The following CSMD1 variants were observed in gnomAD, a reference collection of about 807,000 sequenced individuals.
CSMD1 encodes the protein CUB and Sushi multiple domains 1.
In CSMD1, 213 loss-of-function variants were observed where a neutral mutation model predicts 417.5. The observed-to-expected ratio is 0.51, with a 90% CI of 0.46 to 0.57. CSMD1 has a LOEUF of 0.57. Among genes scored for constraint, CSMD1 ranks in the 20% least tolerant of loss-of-function variants. CSMD1 has a pLI of 0.00. For missense variants in CSMD1, 6,923 were observed against 4,529.7 expected (o/e 1.53, Z -15.17); for synonymous variants, 2,862 against 1,736.8 (o/e 1.65, Z -16.11).
At chr8:4,761,270 G>A (rs1812023637) in intron 1 of CSMD1, among the ~76,000 whole-genome samples, 1 of 152,036 alleles carries the variant, frequency 6.6e-6, no homozygotes, top group South Asian at 2.1e-4. Flanking sequence ...GAACAGGAAA[G>A]CATGGTCAGT....
At chr8:3,005,585 G>T (rs1189234976) in intron 52 of CSMD1, among the ~76,000 whole-genome samples, 2 of 152,020 alleles carry the variant, frequency 1.3e-5, no homozygotes, top group African/African-American at 2.4e-5. Context: ...TGATCAAGTG[G>T]GCTTCATCCC....
At chr8:3,363,345 T>A (rs1289694645) in intron 20 of CSMD1, among the ~76,000 whole-genome samples, 1 of 152,022 alleles carries the variant, frequency 6.6e-6, no homozygotes, top group Non-Finnish European at 1.5e-5. Context: ...AGAAAAGTCA[T>A]TATGGGAAAG....
chr8:3,864,540 C>T (rs1189030667), intron 5 of CSMD1, among the ~76,000 whole-genome samples: 2 of 152,148 alleles, frequency 1.3e-5, no homozygotes, highest in African/African-American at 2.4e-5. Flanking sequence ...CATATGTATA[C>T]ATGTGCCATG....
chr8:4,525,135 CCAA>C (rs1473468439), intron 2 of CSMD1, among the ~76,000 whole-genome samples: 1 of 152,200 alleles, frequency 6.6e-6, no homozygotes, highest in Non-Finnish European at 1.5e-5. Flanking sequence ...TCAATCTACT[CCAA>C]CATTATTATT....
At chr8:4,732,503 T>G (rs1368077265) in intron 1 of CSMD1, among the ~76,000 whole-genome samples, 1 of 152,056 alleles carries the variant, frequency 6.6e-6, no homozygotes, top group African/African-American at 2.4e-5. Context: ...CGATTACTTT[T>G]CGAGTAACTT....
intron 1 of CSMD1, among the ~76,000 whole-genome samples, chr8:4,953,615 C>G (rs1451254845): frequency 1.3e-5 from 2 of 152,092 alleles, no homozygotes; most frequent in Non-Finnish European, 2.9e-5. Context: ...AAGAAAAAAA[C>G]TTGGCAATAC....
intron 3 of CSMD1, among the ~76,000 whole-genome samples, chr8:4,103,564 T>C (rs1801413885): frequency 1.3e-5 from 2 of 152,030 alleles, no homozygotes; most frequent in Non-Finnish European, 2.9e-5. Flanking sequence ...CAAAGTTTGA[T>C]ACGATGGATA....
rs572630143 is a variant in CSMD1, at chr8:4,159,962, G to T, written c.416-127863C>A. ...GGGGAAAGGGTGGGAGGGGGTGAGG[G>T]ATAAAAGACTACCAATTGGGTTCAA... On this transcript the variant is annotated intron_variant, in intron 3 of 69. Transcript: ENST00000635120. 2.0e-5 allele frequency among the ~76,000 whole-genome samples: 3 copies of T among 152,086 alleles called. No individual in the cohort carries two copies. The East Asian group carries it at 5.8e-4, about 29-fold the overall frequency.
chr8:4,383,714 G>C (rs80356451), intron 3 of CSMD1, among the ~76,000 whole-genome samples: 2 of 152,074 alleles, frequency 1.3e-5, no homozygotes, highest in South Asian at 4.2e-4. Flanking sequence ...TAAAAACCCT[G>C]TCCCATGAGA....
intron 46 of CSMD1, among the ~76,000 whole-genome samples, chr8:3,100,074 T>A (rs1200157494): frequency 6.7e-6 from 1 of 150,194 alleles, no homozygotes; most frequent in African/African-American, 2.4e-5. Context: ...TGAGATAGGG[T>A]CTCACTCTGT....
intron 4 of CSMD1, among the ~76,000 whole-genome samples, 200 bp downstream of exon 4, chr8:4,031,705 T>A (rs80326402): frequency 1.9e-4 from 29 of 152,314 alleles, no homozygotes; most frequent in African/African-American, 5.8e-4. Context: ...ACATGCAATA[T>A]TAAATGTTAT....
intron 25 of CSMD1, among the ~76,000 whole-genome samples, chr8:3,285,404 A>G (rs1392669752): frequency 7.5e-6 from 1 of 134,044 alleles, no homozygotes; most frequent in African/African-American, 2.8e-5. Flanking sequence ...TTTTTTTTCT[A>G]GAGATGGGAT....
At chr8:3,599,021 C>A (rs1801227071) in intron 8 of CSMD1, among the ~76,000 whole-genome samples, 1 of 152,028 alleles carries the variant, frequency 6.6e-6, no homozygotes, top group South Asian at 2.1e-4. Flanking sequence ...GTAGGGGTTG[C>A]AGTGAGCAGA....
At chr8:4,065,766 G>T (rs1799213766) in intron 3 of CSMD1, among the ~76,000 whole-genome samples, 1 of 152,104 alleles carries the variant, frequency 6.6e-6, no homozygotes, top group South Asian at 2.1e-4. Flanking sequence ...TAAATATTTG[G>T]GGAACTACAG....
chr8:4,060,708 T>A (rs149316009), intron 3 of CSMD1, among the ~76,000 whole-genome samples: 1 of 152,226 alleles, frequency 6.6e-6, no homozygotes, highest in Non-Finnish European at 1.5e-5. Flanking sequence ...CTCCTCCACA[T>A]GGGAATTTTA....
intron 6 of CSMD1, among the ~76,000 whole-genome samples, chr8:3,719,660 G>C (rs538570674): frequency 2.0e-5 from 3 of 152,162 alleles, no homozygotes; most frequent in East Asian, 3.9e-4. Flanking sequence ...GGTCAGATGA[G>C]CTTGGGGAAG....
chr8:3,791,928 G>C (rs926084039), intron 5 of CSMD1, among the ~76,000 whole-genome samples: 1 of 152,142 alleles, frequency 6.6e-6, no homozygotes, highest in Admixed American at 6.5e-5. Context: ...AACCTCAATA[G>C]CGTTTGCACC....
At chr8:3,669,962 A>T (rs1186731972) in intron 7 of CSMD1, among the ~76,000 whole-genome samples, 1 of 152,190 alleles carries the variant, frequency 6.6e-6, no homozygotes, top group Non-Finnish European at 1.5e-5. Flanking sequence ...GATATAATTT[A>T]TACCTTATTA....
At chr8:4,825,645 C>T (rs551456571) in intron 1 of CSMD1, among the ~76,000 whole-genome samples, 3 of 151,978 alleles carry the variant, frequency 2.0e-5, no homozygotes, top group Admixed American at 6.6e-5. Flanking sequence ...AACTAAAAAG[C>T]TTCTGCACAG....
Sources: gnomAD v4.1 joint callset for allele counts (sites outside exome capture counted in the v4.1 genomes callset) on GRCh38, gnomAD v4.1.1 for gene constraint, MANE v1.5 for transcripts, NCBI Gene and HGNC (gene_info 2026-07-23, HGNC 2026-07-21) for gene names.